The following SORCS1 variants were observed in gnomAD, a reference collection of about 807,000 sequenced individuals.
SORCS1 encodes the protein VPS10 domain-containing receptor SorCS1.
In SORCS1, 60 loss-of-function variants were observed where a neutral mutation model predicts 146.1. The ratio of observed to expected loss-of-function variants is 0.41; its 90% CI spans 0.33 to 0.51. SORCS1 has a LOEUF of 0.51. Among genes scored for constraint, SORCS1 ranks in the 20% least tolerant of loss-of-function variants. SORCS1 has a pLI of 0.21. For synonymous variants in SORCS1, 637 were observed against 584.0 expected, an observed-to-expected ratio of 1.09 and a Z score of -1.31; for missense variants, 1,352 against 1,487.6, an observed-to-expected ratio of 0.91 and a Z score of 1.50.
At chr10:106,904,954 T>G (rs139641505) in intron 2 of SORCS1, among the ~76,000 whole-genome samples, 164 of 152,284 alleles carry the variant, frequency 1.1e-3, no homozygotes, top group Non-Finnish European at 2.0e-3. Context: ...ACAGACTAAT[T>G]AGAAAATAAT....
chr10:106,683,618 A>G (rs12256633), intron 10 of SORCS1, among the ~76,000 whole-genome samples: 3,650 of 152,336 alleles, frequency 0.024, 91 homozygotes, highest in East Asian at 0.09. Context: ...AACCAGCTTC[A>G]AATCCCAATT....
chr10:106,773,133 T>A (rs1177669586), intron 4 of SORCS1, among the ~76,000 whole-genome samples: 1 of 152,200 alleles, frequency 6.6e-6, no homozygotes, highest in East Asian at 1.9e-4. Flanking sequence ...TAAAACAGCA[T>A]CCAGCAGAGA....
intron 5 of SORCS1, among the ~76,000 whole-genome samples, chr10:106,759,871 A>T (rs191192825): frequency 1.3e-5 from 2 of 152,298 alleles, no homozygotes; most frequent in East Asian, 3.9e-4. Flanking sequence ...GAGCAAAATG[A>T]TATGTAGTTA....
At chr10:106,725,409 G>A (rs984033622) in intron 6 of SORCS1, among the ~76,000 whole-genome samples, 5 of 151,388 alleles carry the variant, frequency 3.3e-5, no homozygotes, top group Non-Finnish European at 5.9e-5. Context: ...AAACCAGCTG[G>A]GTGTGGTGGC....
intron 5 of SORCS1, among the ~76,000 whole-genome samples, chr10:106,745,398 G>A (rs1355385657): frequency 1.3e-5 from 2 of 149,326 alleles, no homozygotes; most frequent in Non-Finnish European, 3.0e-5. Flanking sequence ...GCGACAGAGT[G>A]AGACAACGTC....
intron 1 of SORCS1, among the ~76,000 whole-genome samples, chr10:107,046,768 C>T (rs1040522239): frequency 2.6e-5 from 4 of 152,092 alleles, no homozygotes; most frequent in African/African-American, 9.7e-5. Context: ...AAAAACCTCC[C>T]AGAAAAATGC....
At position 106,889,888 on chromosome 10, in the gene SORCS1, T is replaced by TAAAAAAAAAA. The variant is rs772421907; in HGVS notation, c.627-60225_627-60216dup. 2.0e-4 allele frequency among the ~76,000 whole-genome samples: 14 copies of TAAAAAAAAAA among 71,664 alleles called. 2 individuals carry two copies. Among genetic ancestry groups the TAAAAAAAAAA allele is most frequent in the African/African-American group, 6.7e-4 (13 of 19,414 alleles). The allele number at this position is 71,664 out of a possible 152,430, so 47.0% of individuals were successfully genotyped here. On this transcript the variant is annotated intron_variant, in intron 2 of 25. Transcript: ENST00000263054. ...TGACAGAGTGAGACTACGTCTCAAA[T>TAAAAAAAAAA]AAAAAAAAAAAAAAAAAAAAAAAGC... is the stretch of plus-strand genomic sequence containing the variant.
At chr10:106,634,824 A>G (rs947262677) in intron 18 of SORCS1, among the ~76,000 whole-genome samples, 1 of 152,228 alleles carries the variant, frequency 6.6e-6, no homozygotes, top group African/African-American at 2.4e-5. Flanking sequence ...AGTCTTGTGT[A>G]TAATTAATTG....
At chr10:106,719,851 G>A (rs1191388594) in intron 6 of SORCS1, among the ~76,000 whole-genome samples, 4 of 152,052 alleles carry the variant, frequency 2.6e-5, no homozygotes, top group African/African-American at 9.7e-5. Context: ...ACGTTTGCCC[G>A]CCCCTCTCTC....
chr10:107,118,656 A>T (rs1298402465), intron 1 of SORCS1, among the ~76,000 whole-genome samples: 1 of 152,206 alleles, frequency 6.6e-6, no homozygotes, highest in African/African-American at 2.4e-5. Context: ...CTAGGTAAAT[A>T]ATATCTATTC....
chr10:106,994,886 C>T (rs1157050632), intron 1 of SORCS1, among the ~76,000 whole-genome samples: 2 of 152,274 alleles, frequency 1.3e-5, no homozygotes, highest in Admixed American at 1.3e-4. Context: ...ACCGTTTCTG[C>T]ATAGAAAGCA....
intron 1 of SORCS1, among the ~76,000 whole-genome samples, chr10:107,096,517 T>C (rs565719716): frequency 4.7e-4 from 71 of 152,268 alleles, no homozygotes; most frequent in Non-Finnish European, 7.6e-4. Flanking sequence ...TTTTATTATT[T>C]ATTTATTTAT....
chr10:106,652,625 A>T, intron 17 of SORCS1, 72 bp from the exon 18 acceptor site: 1 of 1,550,878 alleles, frequency 6.4e-7, no homozygotes, highest in Non-Finnish European at 8.8e-7. Flanking sequence ...TTAAAATTAG[A>T]CATAGTGCCT....
chr10:106,792,564 A>C (rs1338431879), intron 3 of SORCS1, among the ~76,000 whole-genome samples: 1 of 152,250 alleles, frequency 6.6e-6, no homozygotes, highest in East Asian at 1.9e-4. Flanking sequence ...ATTCCAGAGC[A>C]TCCTTGGCAT....
chr10:106,919,902 A>G (rs1056342543), intron 2 of SORCS1, among the ~76,000 whole-genome samples: 5 of 152,222 alleles, frequency 3.3e-5, no homozygotes, highest in Non-Finnish European at 7.3e-5. Flanking sequence ...CAATATAGTC[A>G]TGCTAAATAC....
chr10:106,649,679 G>A (rs957515263), intron 18 of SORCS1, among the ~76,000 whole-genome samples: 3 of 152,202 alleles, frequency 2.0e-5, no homozygotes, highest in African/African-American at 4.8e-5. Context: ...TCTCAGCCCT[G>A]ATCTTTTCAA....
intron 1 of SORCS1, among the ~76,000 whole-genome samples, chr10:107,083,478 A>C (rs1963499964): frequency 6.6e-6 from 1 of 152,176 alleles, no homozygotes; most frequent in Admixed American, 6.5e-5. Flanking sequence ...ACATGTTTTT[A>C]AGTTAAAACC....
intron 1 of SORCS1, among the ~76,000 whole-genome samples, chr10:106,967,060 A>G (rs1955527349): frequency 6.6e-6 from 1 of 151,546 alleles, no homozygotes; most frequent in East Asian, 1.9e-4. Context: ...TAGGGGACAC[A>G]TTTAACCTTT....
intron 1 of SORCS1, among the ~76,000 whole-genome samples, chr10:106,972,003 T>G (rs1205931280): frequency 6.6e-6 from 1 of 152,174 alleles, no homozygotes; most frequent in Non-Finnish European, 1.5e-5. Flanking sequence ...CAGAGCCAAT[T>G]TTAACACTTT....
Sources: gnomAD v4.1 joint callset for allele counts (sites outside exome capture counted in the v4.1 genomes callset) on GRCh38, gnomAD v4.1.1 for gene constraint, MANE v1.5 for transcripts, NCBI Gene and HGNC (gene_info 2026-07-23, HGNC 2026-07-21) for gene names.